FOXN3: variants seen among roughly 807,000 people sequenced by gnomAD.
The protein encoded by FOXN3 is forkhead box N3.
A neutral mutation model predicts 38.4 loss-of-function variants in FOXN3; 7 were observed. The ratio of observed to expected loss-of-function variants is 0.18; its 90% CI spans 0.10 to 0.34. The LOEUF (loss-of-function observed/expected upper bound fraction) is 0.34. Among genes scored for constraint, FOXN3 ranks in the 10% least tolerant of loss-of-function variants. FOXN3 has a pLI of 1.00. For missense variants in FOXN3, 456 were observed against 613.4 expected, an observed-to-expected ratio of 0.74 and a Z score of 2.71; for synonymous variants, 230 against 242.2, an observed-to-expected ratio of 0.95 and a Z score of 0.47.
At chr14:89,392,807 A>T (rs1275811688) in intron 2 of FOXN3, among the ~76,000 whole-genome samples, 10 of 133,892 alleles carry the variant, frequency 7.5e-5, no homozygotes, top group African/African-American at 2.5e-4. Context: ...CGCCCAGCTA[A>T]TTTTTTTTTT....
At chr14:89,377,753 G>A (rs1398252911) in intron 2 of FOXN3, among the ~76,000 whole-genome samples, 4 of 152,206 alleles carry the variant, frequency 2.6e-5, no homozygotes, top group Non-Finnish European at 4.4e-5. Flanking sequence ...TGCACAACTC[G>A]TATGTTGAAA....
rs1887032031 is a variant in FOXN3 at position 89,158,665 on chromosome 14, T to C, written c.*3749A>G. 1 of 152,568 alleles carries C rather than the reference T, an allele frequency of 6.6e-6. No individual in the cohort carries two copies. Among genetic ancestry groups the C allele is most frequent in the Admixed American group, 6.5e-5 (1 of 15,274 alleles). 9.5% of individuals were successfully genotyped at this position (152,568 alleles called of 1,614,324 possible). A position where few individuals can be genotyped will look rare whatever the true frequency, so the allele number is the denominator to read the frequency against. Reference sequence around the variant, plus strand: ...GATGCAAACCCTTTCCACATAGTACTAGATAAAGACAAAAGACAATTATAA... The same window carrying C: ...GATGCAAACCCTTTCCACATAGTACCAGATAAAGACAAAAGACAATTATAA... On this transcript the variant is annotated 3_prime_UTR_variant, in exon 6 of 6. Coordinates refer to ENST00000557258, the MANE Select transcript of FOXN3 (RefSeq NM_005197.4).
At chr14:89,290,303 G>T in intron 3 of FOXN3, 1 of 339,914 alleles carries the variant, frequency 2.9e-6, no homozygotes, top group South Asian at 2.6e-5. Context: ...CATTTTGGAT[G>T]ATATGATGCT....
chr14:89,220,907 G>T (rs1253941575), intron 4 of FOXN3, among the ~76,000 whole-genome samples: 1 of 152,100 alleles, frequency 6.6e-6, no homozygotes, highest in East Asian at 1.9e-4. Flanking sequence ...CCAAGGGGAG[G>T]CAACCCTGAC....
At chr14:89,584,916 G>A (rs568041050) in intron 1 of FOXN3, among the ~76,000 whole-genome samples, 8 of 152,032 alleles carry the variant, frequency 5.3e-5, no homozygotes, top group South Asian at 2.1e-4. Flanking sequence ...GGGTTTTACC[G>A]TGTTGGCCAG....
chr14:89,460,463 C>T (rs1892821556), intron 1 of FOXN3, among the ~76,000 whole-genome samples: 1 of 152,156 alleles, frequency 6.6e-6, no homozygotes, highest in South Asian at 2.1e-4. Context: ...CAGAGAAACA[C>T]CGTCAGAGTG....
At chr14:89,240,592 C>T (rs1041560307) in intron 4 of FOXN3, among the ~76,000 whole-genome samples, 1 of 152,204 alleles carries the variant, frequency 6.6e-6, no homozygotes, top group South Asian at 2.1e-4. Flanking sequence ...CAGGATAATG[C>T]ACATGGCCTG....
At chr14:89,259,648 G>A (rs7146648) in intron 4 of FOXN3, among the ~76,000 whole-genome samples, 21,576 of 152,126 alleles carry the variant, frequency 0.14, 1,856 homozygotes, top group Middle Eastern at 0.2. Flanking sequence ...GGCGGGATAT[G>A]TTAGACAAAT....
intron 3 of FOXN3, among the ~76,000 whole-genome samples, chr14:89,336,229 T>TCCATCCATCCATCCAC (rs1166308921): frequency 1.3e-5 from 2 of 149,918 alleles, no homozygotes; most frequent in African/African-American, 4.9e-5. Context: ...CATCCATCCA[T>TCCATCCATCCATCCAC]CCATCCATCC....
At chr14:89,550,904 T>C (rs912037488) in intron 1 of FOXN3, among the ~76,000 whole-genome samples, 10 of 151,870 alleles carry the variant, frequency 6.6e-5, no homozygotes, top group African/African-American at 2.4e-4. Context: ...TCTGTGGGGG[T>C]AGGGGCAGGC....
intron 2 of FOXN3, among the ~76,000 whole-genome samples, chr14:89,387,969 G>A (rs535469425): frequency 2.6e-4 from 39 of 152,318 alleles, no homozygotes; most frequent in South Asian, 1.2e-3. Context: ...GATCACCTGC[G>A]GTCACAAGTT....
intron 1 of FOXN3, among the ~76,000 whole-genome samples, chr14:89,467,634 T>TA (rs1160751031): frequency 1.3e-5 from 2 of 150,108 alleles, no homozygotes; most frequent in East Asian, 3.9e-4. Context: ...TTTTTTTTTT[T>TA]AAACATATGG....
rs55935162 is a variant in FOXN3, at chr14:89,528,376, C to CTTTTTTTTTTTTTTTTTTTTTTTT, written c.-15+90628_-15+90651dup. ...TCATCCATACTCAACATGGATGAAT[C>CTTTTTTTTTTTTTTTTTTTTTTTT]TTTTTTTTTTTTTTTTTTTTTTTTT... On this transcript the variant is annotated intron_variant, in intron 1 of 6. Transcript: ENST00000345097. Among the ~76,000 whole-genome samples, 9 of 53,550 alleles carry CTTTTTTTTTTTTTTTTTTTTTTTT rather than the reference C, an allele frequency of 1.7e-4. 2 individuals carry two copies. Among genetic ancestry groups the CTTTTTTTTTTTTTTTTTTTTTTTT allele is most frequent in the East Asian group, 1.6e-3 (2 of 1,288 alleles). 35.1% of individuals were successfully genotyped at this position (53,550 alleles called of 152,430 possible). A position where few individuals can be genotyped will look rare whatever the true frequency, so the allele number is the denominator to read the frequency against.
chr14:89,286,984 T>C (rs3783870), intron 3 of FOXN3, among the ~76,000 whole-genome samples: 139,251 of 152,110 alleles, frequency 0.92, 63,789 homozygotes, highest in East Asian at 0.98. Flanking sequence ...GGAGAGACCG[T>C]GGGATTTGGA....
At chr14:89,602,229 C>A (rs994435489) in intron 1 of FOXN3, among the ~76,000 whole-genome samples, 17 of 150,762 alleles carry the variant, frequency 1.1e-4, no homozygotes, top group African/African-American at 4.2e-4. Context: ...GTAGAGGTTG[C>A]GGTAAGCCGA....
rs138136992 is a variant in FOXN3, at chr14:89,323,180, C to T, written c.680+27492G>A. 1.8e-3 allele frequency among the ~76,000 whole-genome samples: 270 copies of T among 150,816 alleles called. 2 individuals carry two copies. Among genetic ancestry groups the T allele is most frequent in the Non-Finnish European group, 2.8e-3 (188 of 67,828 alleles). ...GCAGGCAACTGCAGTCCCAGCTACT[C>T]GGGAGGCTGAGGTAGGAGAATCGTT... On this transcript the variant is annotated intron_variant, in intron 3 of 5. Transcript: ENST00000557258.
intron 3 of FOXN3, among the ~76,000 whole-genome samples, chr14:89,303,944 AT>A (rs1408656338): frequency 1.3e-5 from 2 of 152,166 alleles, no homozygotes; most frequent in Non-Finnish European, 2.9e-5. Context: ...TGAAGAAGAG[AT>A]TTACACACCC....
chr14:89,230,646 G>T, intron 4 of FOXN3: 1 of 235,780 alleles, frequency 4.2e-6, no homozygotes, highest in East Asian at 9.6e-5. Flanking sequence ...TCTATCTCAC[G>T]CAGAGTTCCA....
intron 1 of FOXN3, among the ~76,000 whole-genome samples, chr14:89,564,176 G>A (rs1461078218): frequency 1.3e-4 from 20 of 152,028 alleles, no homozygotes; most frequent in Admixed American, 1.3e-3. Context: ...TTTTAAGTGA[G>A]GGGATAGTGA....
Sources: gnomAD v4.1 joint callset for allele counts (sites outside exome capture counted in the v4.1 genomes callset) on GRCh38, gnomAD v4.1.1 for gene constraint, MANE v1.5 for transcripts, NCBI Gene and HGNC (gene_info 2026-07-23, HGNC 2026-07-21) for gene names.